Variants in LAMA5 observed in about 807,000 individuals in gnomAD.
The protein encoded by LAMA5 is laminin subunit alpha-5.
LAMA5 carries 260 observed loss-of-function variants against 433.4 expected under a neutral mutation model. That is an observed-to-expected ratio of 0.60 (90% confidence interval 0.54 to 0.66). LAMA5 has a LOEUF of 0.66. LAMA5 is among the 30% of genes least tolerant of loss of function. The pLI is 0.00. For missense variants in LAMA5, 5,378 were observed against 5,258.5 expected, an observed-to-expected ratio of 1.02 and a Z score of -0.70; for synonymous variants, 2,620 against 2,226.6, an observed-to-expected ratio of 1.18 and a Z score of -4.97.
At chr20:62,361,646 G>C (rs1337129955) in intron 2 of LAMA5, among the ~76,000 whole-genome samples, 9 of 152,208 alleles carry the variant, frequency 5.9e-5, no homozygotes, top group Non-Finnish European at 1.5e-5. Context: ...CCCCACTCCA[G>C]GCACTGGCTG....
chr20:62,320,914 G>A, intron 48 of LAMA5, 24 bp from the exon 49 acceptor site: 5 of 1,597,586 alleles, frequency 3.1e-6, no homozygotes, highest in East Asian at 2.2e-5. Context: ...GGGGTCACAG[G>A]TCAGTGTCAT....
chr20:62,324,157 A>G lies in LAMA5; in HGVS notation c.5691T>C (p.Ala1897=). ...GGTCGTCCCTGCTGCTCACGAAGCC[A>G]GCCTGGCAGCGCTCACAGTGGGCCC... ...TEGAHCERCQ[A]GFVSSRDDPS... The change falls in exon 43 of 80, where the codon GCT becomes GCC. Residue 1897 remains alanine (A), a synonymous_variant. Transcript: ENST00000252999. This position sits in a 1 kb window ranked among gnomAD's most constrained non-coding sequence, Gnocchi z 4.4. 1 of 1,558,614 alleles carries G rather than the reference A, an allele frequency of 6.4e-7. No homozygotes were observed. The highest frequency in any genetic ancestry group is 8.6e-7 in the Non-Finnish European group (1 of 1,161,274).
At position 62,311,263 on chromosome 20, in the gene LAMA5, C is replaced by A; in HGVS notation, c.9987G>T (p.Met3329Ile). ...GGGTGGTCCTGAGGTGTGGGGGCAGCATGCAGGCAGGATGCCGGGCGGGCT... is the reference window on the plus strand; with the variant it reads ...GGGTGGTCCTGAGGTGTGGGGGCAGAATGCAGGCAGGATGCCGGGCGGGCT... ...SRQPARHPACMLPPHLRTTRD... is the reference protein window; with the variant it reads ...SRQPARHPACILPPHLRTTRD... Residue 3329 changes from methionine (M) to isoleucine (I), a missense_variant, in exon 73 of 80, where the codon ATG (methionine) becomes ATT (isoleucine). Met to Ile is a conservative substitution (Grantham distance 10, BLOSUM62 1). Transcript: ENST00000252999. 2.5e-6 allele frequency: 4 copies of A among 1,603,982 alleles called. No homozygotes were observed. Among genetic ancestry groups the A allele is most frequent in the Admixed American group, 1.7e-5 (1 of 57,446 alleles).
At chr20:62,309,634 A>AGGGGTGGGGGGGTGGGAG in intron 79 of LAMA5, 82 bp downstream of exon 79, 2 of 424,772 alleles carry the variant, frequency 4.7e-6, no homozygotes. Context: ...CAGGGGGTGG[A>AGGGGTGGGGGGGTGGGAG]GGGGTGGGGG....
chr20:62,319,555 G>A (rs1987437785), intron 51 of LAMA5, 129 bp downstream of exon 51: 1 of 659,502 alleles, frequency 1.5e-6, no homozygotes, highest in African/African-American at 1.8e-5. Flanking sequence ...TCACTCCAGA[G>A]GCGTCGTCTC....
rs750461375 is a variant in LAMA5, at chr20:62,310,029, C to T, written c.10787G>A (p.Arg3596His). ...CTGGCCATCACACAGCACTGAGGGG[C>T]GGGTCACTGACGTGGAGAACTCCCC... ...GAGEFSTSVT[R>H]PSVLCDGQWH... The change falls in exon 78 of 80, where the codon CGC becomes CAC. Residue 3596 changes from arginine (R) to histidine (H), a missense_variant. Arg to His is a conservative substitution (Grantham distance 29). Transcript: ENST00000252999. The T allele has an allele frequency of 4.8e-5, 77 of 1,611,144 alleles. No homozygotes were observed. The highest frequency in any genetic ancestry group is 1.6e-4 in the South Asian group (15 of 91,066).
At chr20:62,336,253 C>A in intron 18 of LAMA5, 87 bp downstream of exon 18, 1 of 1,000,298 alleles carries the variant, frequency 1.0e-6, no homozygotes, top group Non-Finnish European at 1.5e-6. Flanking sequence ...TCCAGGAACC[C>A]TGCACCCCAA....
chr20:62,362,463 C>T lies in LAMA5; in HGVS notation c.387G>A (p.Gln129=), dbSNP rs1346111092. 6.2e-7 allele frequency: 1 copy of T among 1,602,346 alleles called. No individual in the cohort carries two copies. Among genetic ancestry groups the T allele is most frequent in the Non-Finnish European group, 8.5e-7 (1 of 1,173,642 alleles). Residue 129 remains glutamine (Q), a synonymous_variant, in exon 2 of 80, where the codon CAG becomes CAA. Transcript: ENST00000252999. ...NAIDGTERWW[Q]SPPLSRGLEY... Reference sequence around the variant, plus strand: ...CCAGGCCGCGGGACAGCGGTGGACTCTGCCACCAGCGCTCCGTGCCATCGA... The same window carrying T: ...CCAGGCCGCGGGACAGCGGTGGACTTTGCCACCAGCGCTCCGTGCCATCGA...
In LAMA5 at chr20:62,320,765, G is replaced by C. The variant is rs373341591; in HGVS notation, c.6622C>G (p.Leu2208Val). 2 of 1,612,704 alleles carry C rather than the reference G, an allele frequency of 1.2e-6. No individual in the cohort carries two copies. The highest frequency in any genetic ancestry group is 3.3e-4 in the Middle Eastern group (2 of 6,052). ...TGCAGGTCAGCGATGGAGGCGTTCA[G>C]CCTGTGCAGACGGGCCCAGGCCATG... is the stretch of plus-strand genomic sequence containing the variant. ...SSMAWARLHRLNASIADLQSQ... is the reference protein window; with the variant it reads ...SSMAWARLHRVNASIADLQSQ... Residue 2208 changes from leucine to valine, a missense_variant, in exon 49 of 80, where the codon CTG becomes GTG. Transcript: ENST00000252999.
At chr20:62,339,610 C>A (rs949345392) in intron 11 of LAMA5, among the ~76,000 whole-genome samples, 3 of 54,266 alleles carry the variant, frequency 5.5e-5, no homozygotes, top group African/African-American at 9.5e-5. Context: ...GTTGTGAGCA[C>A]GCTTCAGTTT....
chr20:62,366,738 G>A (rs981717672), intron 1 of LAMA5, among the ~76,000 whole-genome samples: 1 of 152,220 alleles, frequency 6.6e-6, no homozygotes, highest in African/African-American at 2.4e-5. Context: ...TCCATGCCGG[G>A]GACTTTAATT....
intron 11 of LAMA5, chr20:62,345,559 A>C: frequency 1.6e-6 from 1 of 623,118 alleles, no homozygotes; most frequent in Non-Finnish European, 3.0e-6. Flanking sequence ...GGCACACATC[A>C]CTACACCCAG....
At position 62,351,996 on chromosome 20, in the gene LAMA5, G is replaced by A; in HGVS notation, c.771C>T (p.Thr257=). The A allele has an allele frequency of 6.2e-7, 1 of 1,612,666 alleles. No individual in the cohort carries two copies. Among genetic ancestry groups the A allele is most frequent in the Non-Finnish European group, 8.5e-7 (1 of 1,179,930 alleles). Residue 257 remains threonine, a synonymous_variant, in exon 5 of 80, where the codon ACC becomes ACT. Transcript: ENST00000252999. The part of the protein sequence containing the change: ...SPLLREFTKA[T]NVRLRFLRTN... ...TACGCAGGAAGCGCAGGCGGACGTT[G>A]GTGGCCTTGGTGAACTCACGTAGCA...
At chr20:62,320,492 G>A (rs966639913) in intron 50 of LAMA5, 67 bp downstream of exon 50, 1 of 1,234,808 alleles carries the variant, frequency 8.1e-7, no homozygotes, top group African/African-American at 1.5e-5. Flanking sequence ...GCTGAATGAG[G>A]ACAAGCGAAC....
chr20:62,319,632 C>T (rs1987449305), intron 51 of LAMA5, 52 bp downstream of exon 51: 4 of 1,363,134 alleles, frequency 2.9e-6, no homozygotes, highest in Non-Finnish European at 3.0e-6. Flanking sequence ...CACCCCTACC[C>T]CAGGCAGCCC....
intron 40 of LAMA5, among the ~76,000 whole-genome samples, chr20:62,325,793 C>T (rs1979187499): frequency 6.6e-6 from 1 of 152,214 alleles, no homozygotes; most frequent in African/African-American, 2.4e-5. Flanking sequence ...AACAGCCAAG[C>T]TTCTAGAAGA....
At position 62,320,592 on chromosome 20, in the gene LAMA5, G is replaced by T; in HGVS notation, c.6726C>A (p.Ser2242Arg). The part of the protein sequence containing the change: ...QLEVLEQQST[S>R]LGQDARRLGG... ...CTAGCCGCCGTGCGTCCTGCCCGAG[G>T]CTTGTGCTCTGCTGCTCCAGCACCT... The change falls in exon 50 of 80, where the codon AGC becomes AGA. Residue 2242 changes from serine (S) to arginine (R), a missense_variant. By Grantham distance (110) the Ser-to-Arg change is moderately radical. Coordinates refer to ENST00000252999, the MANE Select transcript of LAMA5 (RefSeq NM_005560.6). 6.2e-7 allele frequency: 1 copy of T among 1,605,434 alleles called. No homozygotes were observed.
In LAMA5 at chr20:62,333,630, G is replaced by A. The variant is rs1018810604; in HGVS notation, c.2955C>T (p.Phe985=). The stretch of plus-strand genomic sequence containing the variant: ...CAGGGTTCAGCACAAAGGGCTCTCC[G>A]AAGCCCCTCTGGGGCACGGTGATGA... The part of the protein sequence containing the change: ...PAFITVPQRG[F]GEPFVLNPGT... Residue 985 remains phenylalanine, a synonymous_variant, in exon 24 of 80, where the codon TTC becomes TTT. Transcript: ENST00000252999. 1.3e-5 allele frequency: 21 copies of A among 1,584,658 alleles called. 1 individual carries two copies. Among genetic ancestry groups the A allele is most frequent in the East Asian group, 4.6e-5 (2 of 43,904 alleles).
chr20:62,333,849 G>GGGGT, intron 23 of LAMA5, 52 bp downstream of exon 23: 1 of 1,471,808 alleles, frequency 6.8e-7, no homozygotes, highest in Non-Finnish European at 9.2e-7. Context: ...GGGGTGGGGT[G>GGGGT]GGGTGGGCTG....
Sources: gnomAD v4.1 joint callset for allele counts (sites outside exome capture counted in the v4.1 genomes callset) on GRCh38, gnomAD v4.1.1 for gene constraint, Gnocchi (gnomAD v3.1) non-coding constraint, MANE v1.5 for transcripts, NCBI Gene and HGNC (gene_info 2026-07-23, HGNC 2026-07-21) for gene names.